The following GALNT13 variants were observed in gnomAD, a reference collection of about 807,000 sequenced individuals.
The protein encoded by GALNT13 is polypeptide N-acetylgalactosaminyltransferase 13, also known as UDP-GalNAc:polypeptide N-acetylgalactosaminyltransferase 13.
In GALNT13, 28 loss-of-function variants were observed where a neutral mutation model predicts 64.2. The observed-to-expected ratio is 0.44, with a 90% confidence interval of 0.32 to 0.60. GALNT13 has a LOEUF of 0.60. GALNT13 is among the 20% of genes least tolerant of loss of function. The probability of loss-of-function intolerance (pLI) is 0.05; values close to 1 mark genes in which losing one functional copy is unlikely to be tolerated. For missense variants in GALNT13, 577 were observed against 669.8 expected, an observed-to-expected ratio of 0.86 and a Z score of 1.53; for synonymous variants, 214 against 224.6, an observed-to-expected ratio of 0.95 and a Z score of 0.42.
At chr2:153,093,486 G>A in the GALNT13 span, among the ~76,000 whole-genome samples, 1 of 151,890 alleles carries the variant, frequency 6.6e-6, no homozygotes, top group Non-Finnish European at 1.5e-5. Context: ...CAATCCACCC[G>A]CCTCGGCCTC....
the GALNT13 span, among the ~76,000 whole-genome samples, chr2:153,701,691 T>C: frequency 3.3e-5 from 5 of 152,094 alleles, no homozygotes; most frequent in African/African-American, 1.2e-4. Flanking sequence ...CAGACACTTT[T>C]CAAAAGACAC....
At chr2:153,295,717 T>A in the GALNT13 span, among the ~76,000 whole-genome samples, 4 of 152,144 alleles carry the variant, frequency 2.6e-5, no homozygotes, top group Admixed American at 2.0e-4. Context: ...AGCACCAGCA[T>A]CACCTGGGAG....
At chr2:153,857,609 A>G in the GALNT13 span, among the ~76,000 whole-genome samples, 33 of 152,322 alleles carry the variant, frequency 2.2e-4, 1 homozygote, top group African/African-American at 7.5e-4. Flanking sequence ...CAGACGAGTT[A>G]TAGAAAAATC....
In GALNT13 at chr2:154,443,316, G is replaced by A. The variant is rs550140233; in HGVS notation, c.1530+4590G>A. ...TTCATATTTTATAATATTTCTGTTC[G>A]ACTGAATGCGTAGATTACCTTGTCT... On this transcript the variant is annotated intron_variant, in intron 12 of 12. Coordinates refer to ENST00000392825, the MANE Select transcript of GALNT13 (RefSeq NM_052917.4). 9.2e-5 allele frequency among the ~76,000 whole-genome samples: 14 copies of A among 151,974 alleles called. No individual in the cohort carries two copies. The South Asian group carries it at 2.5e-3, about 27-fold the overall frequency.
At chr2:154,212,369 G>A (rs1288354866) in intron 4 of GALNT13, among the ~76,000 whole-genome samples, 3 of 151,706 alleles carry the variant, frequency 2.0e-5, no homozygotes, top group Non-Finnish European at 2.9e-5. Flanking sequence ...CTCAGCCCCC[G>A]AGTAGCTGAG....
the GALNT13 span, among the ~76,000 whole-genome samples, chr2:153,764,920 C>A: frequency 2.6e-5 from 4 of 152,212 alleles, no homozygotes; most frequent in Admixed American, 2.6e-4. Context: ...GTGCAAGACC[C>A]ATGCCTTGGC....
intron 11 of GALNT13, among the ~76,000 whole-genome samples, chr2:154,433,514 T>G (rs994111821): frequency 2.0e-5 from 3 of 151,814 alleles, no homozygotes; most frequent in Admixed American, 6.6e-5. Flanking sequence ...AAAAATAAAT[T>G]GATTAGCAGA....
At chr2:153,843,100 T>G in the GALNT13 span, among the ~76,000 whole-genome samples, 1 of 152,060 alleles carries the variant, frequency 6.6e-6, no homozygotes, top group Non-Finnish European at 1.5e-5. Flanking sequence ...TTAAAAAGCT[T>G]AAGAGATATA....
chr2:153,598,875 A>C, the GALNT13 span, among the ~76,000 whole-genome samples: 1 of 152,056 alleles, frequency 6.6e-6, no homozygotes, highest in East Asian at 1.9e-4. Context: ...TATCTGAAAA[A>C]TTCTTTCAGT....
the GALNT13 span, among the ~76,000 whole-genome samples, chr2:153,652,472 G>A: frequency 1.3e-5 from 2 of 151,944 alleles, no homozygotes; most frequent in Admixed American, 6.6e-5. Flanking sequence ...AAAATTAGCC[G>A]GGCGTGGTGT....
chr2:153,139,905 A>G, the GALNT13 span, among the ~76,000 whole-genome samples: 1 of 152,050 alleles, frequency 6.6e-6, no homozygotes, highest in South Asian at 2.1e-4. Context: ...TATAATGACT[A>G]TCATCTTTAG....
the GALNT13 span, among the ~76,000 whole-genome samples, chr2:153,275,251 T>G: frequency 6.6e-6 from 1 of 152,188 alleles, no homozygotes; most frequent in Non-Finnish European, 1.5e-5. Context: ...AGTCAACTGT[T>G]TTCTCCAGCT....
chr2:153,649,983 C>G, the GALNT13 span, among the ~76,000 whole-genome samples: 1 of 152,098 alleles, frequency 6.6e-6, no homozygotes, highest in Non-Finnish European at 1.5e-5. Context: ...ATTAGGTCTG[C>G]TTGGTGCCTA....
At chr2:154,012,490 G>A (rs1394153768) in intron 3 of GALNT13, among the ~76,000 whole-genome samples, 1 of 152,100 alleles carries the variant, frequency 6.6e-6, no homozygotes, top group Non-Finnish European at 1.5e-5. Flanking sequence ...CTCTCTAGCT[G>A]CCTTTATTTT....
intron 3 of GALNT13, among the ~76,000 whole-genome samples, chr2:154,051,330 CCGGACTG>C (rs1699598780): frequency 1.5e-5 from 2 of 136,766 alleles, no homozygotes; most frequent in Admixed American, 7.8e-5. Flanking sequence ...GTCGCCCAGG[CCGGACTG>C]CGGACTGCAG....
At chr2:153,876,337 C>A (rs2105224425) in intron 1 of GALNT13, among the ~76,000 whole-genome samples, 1 of 152,148 alleles carries the variant, frequency 6.6e-6, no homozygotes, top group South Asian at 2.1e-4. Context: ...TCAGATTAGA[C>A]TTCTGTTTAC....
chr2:154,421,516 C>T (rs1700249418), intron 11 of GALNT13, among the ~76,000 whole-genome samples: 1 of 151,958 alleles, frequency 6.6e-6, no homozygotes, highest in South Asian at 2.1e-4. Context: ...TAATTATATA[C>T]TCATGATGTC....
the GALNT13 span, among the ~76,000 whole-genome samples, chr2:153,117,211 G>A: frequency 9.9e-5 from 15 of 152,206 alleles, no homozygotes; most frequent in Middle Eastern, 0.01. Context: ...TTTGATCTAC[G>A]AAAGTCTTCA....
At chr2:153,550,274 T>C in the GALNT13 span, among the ~76,000 whole-genome samples, 1 of 151,836 alleles carries the variant, frequency 6.6e-6, no homozygotes, top group Admixed American at 6.6e-5. Context: ...TCACTCTGTC[T>C]TCCAGGCTGG....
Sources: gnomAD v4.1 joint callset for allele counts (sites outside exome capture counted in the v4.1 genomes callset) on GRCh38, gnomAD v4.1.1 for gene constraint, MANE v1.5 for transcripts, NCBI Gene and HGNC (gene_info 2026-07-23, HGNC 2026-07-21) for gene names.